The following DTNA variants were observed in gnomAD, a reference collection of about 807,000 sequenced individuals.
The protein encoded by DTNA is dystrobrevin alpha, also known as dystrophin-related protein 3.
In DTNA, 43 loss-of-function variants were observed where a neutral mutation model predicts 100.7. That is an observed-to-expected ratio of 0.43 (90% CI 0.33 to 0.55). The LOEUF (loss-of-function observed/expected upper bound fraction) is 0.55. Among genes scored for constraint, DTNA ranks in the 20% least tolerant of loss-of-function variants. DTNA has a pLI of 0.04. For missense variants in DTNA, 798 were observed against 953.9 expected (o/e 0.84, Z 2.15); for synonymous variants, 349 against 347.9 (o/e 1.00, Z -0.04).
At chr18:34,641,882 G>A (rs1395904792) in intron 1 of DTNA, among the ~76,000 whole-genome samples, 1 of 152,124 alleles carries the variant, frequency 6.6e-6, no homozygotes, top group African/African-American at 2.4e-5. Flanking sequence ...TTACATGCGT[G>A]CTGACTTTCA....
chr18:34,600,791 C>T (rs2051640284), intron 1 of DTNA, among the ~76,000 whole-genome samples: 1 of 152,174 alleles, frequency 6.6e-6, no homozygotes, highest in African/African-American at 2.4e-5. Context: ...GTGGTTTCCT[C>T]AGGTAACAAA....
chr18:34,838,082 C>T lies in DTNA; in HGVS notation c.1176-12C>T, dbSNP rs377367164. On this transcript the variant is annotated splice_polypyrimidine_tract_variant and intron_variant, in intron 11 of 22. Transcript: ENST00000444659. ...TTTACGCTCTTCTTGGCTTTCCCATCTTATTAACTAGCTCTCCTCCCAAGG... is the reference window on the plus strand; with the variant it reads ...TTTACGCTCTTCTTGGCTTTCCCATTTTATTAACTAGCTCTCCTCCCAAGG... 1.2e-6 allele frequency: 2 copies of T among 1,613,470 alleles called. No individual in the cohort carries two copies. The highest frequency in any genetic ancestry group is 2.7e-5 in the African/African-American group (2 of 74,914).
chr18:34,861,006 A>G (rs1425326269), intron 16 of DTNA, among the ~76,000 whole-genome samples: 3 of 152,144 alleles, frequency 2.0e-5, no homozygotes, highest in African/African-American at 7.2e-5. Context: ...TTATAAGGAG[A>G]AATTTTTTCT....
intron 1 of DTNA, among the ~76,000 whole-genome samples, chr18:34,715,211 A>T (rs974508899): frequency 2.0e-5 from 3 of 148,242 alleles, no homozygotes; most frequent in East Asian, 1.9e-4. Flanking sequence ...GTATAATAAT[A>T]AAAAATAGAA....
At chr18:34,570,232 C>A (rs2047460151) in intron 1 of DTNA, among the ~76,000 whole-genome samples, 1 of 152,198 alleles carries the variant, frequency 6.6e-6, no homozygotes, top group African/African-American at 2.4e-5. Context: ...TCGTTCACAT[C>A]TGTATCTCCA....
chr18:34,775,418 G>A (rs8089363), intron 3 of DTNA, among the ~76,000 whole-genome samples: 3 of 152,056 alleles, frequency 2.0e-5, no homozygotes, highest in South Asian at 2.1e-4. Flanking sequence ...CCTGGGATGC[G>A]GAGCTTGCAG....
intron 17 of DTNA, among the ~76,000 whole-genome samples, chr18:34,872,246 A>C (rs186298693): frequency 9.8e-5 from 15 of 152,292 alleles, no homozygotes; most frequent in Admixed American, 8.5e-4. Flanking sequence ...AGCCCAGTGC[A>C]CTAGGAGATG....
chr18:34,610,346 G>T lies in DTNA; in HGVS notation c.-2+116832G>T, dbSNP rs80261290. Among the ~76,000 whole-genome samples the T allele has an allele frequency of 8.8e-3, 1,340 of 152,266 alleles. 13 individuals carry two copies. Among genetic ancestry groups the T allele is most frequent in the African/African-American group, 0.03 (1,266 of 41,538 alleles). On this transcript the variant is annotated intron_variant, in intron 1 of 19. Coordinates refer to the DTNA transcript ENST00000283365. ...ATCTTTTGACATCTAAGGAGACTGA[G>T]GCAGGAGAGATTAAGTAATTATCCA...
rs769176953 is a variant in DTNA, at chr18:34,794,060, G to T, written c.172G>T (p.Val58Phe). 4 of 1,613,958 alleles carry T rather than the reference G, an allele frequency of 2.5e-6. No homozygotes were observed. The African/African-American group carries it at 5.3e-5, about 22-fold the overall frequency. ...CNLHLVDIWN[V>F]IEALRENALN... The stretch of plus-strand genomic sequence containing the variant: ...AGTGCACCTGGTGGACATATGGAAT[G>T]TCATAGAAGCATTGCGGGAAAATGC... The change falls in exon 4 of 23, where the codon GTC becomes TTC. Residue 58 changes from valine (V) to phenylalanine (F), a missense_variant. Transcript: ENST00000444659.
intron 1 of DTNA, among the ~76,000 whole-genome samples, chr18:34,564,437 C>T (rs980885337): frequency 2.6e-5 from 4 of 152,220 alleles, no homozygotes; most frequent in Admixed American, 1.3e-4. Context: ...AGCCACAGCA[C>T]CTGGCCCCCA....
intron 1 of DTNA, among the ~76,000 whole-genome samples, chr18:34,585,657 A>G (rs1199368096): frequency 6.6e-6 from 1 of 152,154 alleles, no homozygotes; most frequent in Non-Finnish European, 1.5e-5. Context: ...AGTATTATAT[A>G]TAATATCCTA....
At position 34,879,501 on chromosome 18, in the gene DTNA, A is replaced by C. The variant is rs113859039; in HGVS notation, c.1994-50A>C. 2.2e-5 allele frequency: 35 copies of C among 1,602,440 alleles called. 1 individual carries two copies. The highest frequency in any genetic ancestry group is 3.7e-4 in the Middle Eastern group (2 of 5,476). ...AAGCCTACTCCTTTATTTGCAGGTC[A>C]TAAAAAAATCTAACGAGTCATTCTT... On this transcript the variant is annotated intron_variant, in intron 19 of 22. Transcript: ENST00000444659.
chr18:34,822,927 A>C (rs1306671712), intron 9 of DTNA, among the ~76,000 whole-genome samples: 1 of 152,172 alleles, frequency 6.6e-6, no homozygotes, highest in Admixed American at 6.5e-5. Context: ...CACTGATAAC[A>C]TATTTTCCCA....
intron 1 of DTNA, among the ~76,000 whole-genome samples, chr18:34,676,622 CT>C (rs140784490): frequency 6.6e-6 from 1 of 152,182 alleles, no homozygotes; most frequent in Non-Finnish European, 1.5e-5. Context: ...ATTGTTTGAG[CT>C]CAGATGTTCG....
intron 1 of DTNA, among the ~76,000 whole-genome samples, chr18:34,504,338 A>G (rs1389701150): frequency 6.6e-6 from 1 of 152,154 alleles, no homozygotes; most frequent in Non-Finnish European, 1.5e-5. Context: ...CTGTACATAC[A>G]TTTGGAACCA....
intron 1 of DTNA, among the ~76,000 whole-genome samples, chr18:34,498,780 C>G (rs994598052): frequency 6.6e-6 from 1 of 152,018 alleles, no homozygotes; most frequent in African/African-American, 2.4e-5. Flanking sequence ...CCAAAATAGA[C>G]AAAAGTATAA....
At chr18:34,875,650 A>G (rs2096808363) in intron 18 of DTNA, among the ~76,000 whole-genome samples, 1 of 152,238 alleles carries the variant, frequency 6.6e-6, no homozygotes, top group Admixed American at 6.5e-5. Context: ...ATCAAAAGAC[A>G]GGAAATCTTT....
At chr18:34,512,123 AG>A (rs2041150389) in intron 1 of DTNA, among the ~76,000 whole-genome samples, 4 of 151,990 alleles carry the variant, frequency 2.6e-5, no homozygotes, top group South Asian at 4.1e-4. Context: ...TAATCCCAGA[AG>A]TCCCACTGGC....
At chr18:34,655,579 T>A (rs1368046241) in intron 1 of DTNA, among the ~76,000 whole-genome samples, 1 of 152,222 alleles carries the variant, frequency 6.6e-6, no homozygotes, top group Non-Finnish European at 1.5e-5. Context: ...TACTCATGTG[T>A]CTTCACTTTT....
Sources: allele counts gnomAD v4.1 joint callset (sites outside exome capture counted in the v4.1 genomes callset), GRCh38; gene constraint gnomAD v4.1.1; transcripts MANE v1.5; gene names NCBI Gene and HGNC (gene_info 2026-07-23, HGNC 2026-07-21).